The following ZNF704 variants were observed in gnomAD, a reference collection of about 807,000 sequenced individuals.
The protein encoded by ZNF704 is glucocorticoid induced gene 1.
ZNF704 carries 10 observed loss-of-function variants against 44.7 expected under a neutral mutation model. The observed-to-expected ratio is 0.22, with a 90% confidence interval of 0.14 to 0.38. ZNF704 has a LOEUF of 0.38. ZNF704 is among the 10% of genes least tolerant of loss of function. The probability of loss-of-function intolerance (pLI) is 1.00; values close to 1 mark genes in which losing one functional copy is unlikely to be tolerated. For missense variants in ZNF704, 390 were observed against 545.5 expected, an observed-to-expected ratio of 0.71 and a Z score of 2.84; for synonymous variants, 211 against 207.6, an observed-to-expected ratio of 1.02 and a Z score of -0.14.
chr8:80,836,444 CCCT>C (rs1808584026), intron 1 of ZNF704, among the ~76,000 whole-genome samples: 1 of 152,172 alleles, frequency 6.6e-6, no homozygotes, highest in Non-Finnish European at 1.5e-5. Context: ...GTTCCCCTCT[CCCT>C]CCTCATTCCC....
chr8:80,632,641 C>G lies in ZNF704; in HGVS notation c.*8725G>C, dbSNP rs544652642. On this transcript the variant is annotated 3_prime_UTR_variant, in exon 9 of 9. Coordinates refer to ENST00000327835, the MANE Select transcript of ZNF704 (RefSeq NM_001033723.3). The stretch of plus-strand genomic sequence containing the variant: ...CTCTTTAGAAGTTGGTAGTTATTAA[C>G]TATGTGGTGGTGCCTAACATGAAAG... 1 of 152,334 alleles carries G rather than the reference C, an allele frequency of 6.6e-6. No homozygotes were observed. Among genetic ancestry groups the G allele is most frequent in the Non-Finnish European group, 1.5e-5 (1 of 68,032 alleles). The allele number at this position is 152,334 out of a possible 1,614,324, so 9.4% of individuals were successfully genotyped here. A position where few individuals can be genotyped will look rare whatever the true frequency, so the allele number is the denominator to read the frequency against.
At chr8:80,751,665 T>A (rs569795197) in intron 2 of ZNF704, among the ~76,000 whole-genome samples, 5 of 152,338 alleles carry the variant, frequency 3.3e-5, no homozygotes, top group Admixed American at 6.5e-5. Flanking sequence ...TGCTAAAGTG[T>A]GATCTTTCAG....
At chr8:80,841,157 G>T (rs976923412) in intron 1 of ZNF704, among the ~76,000 whole-genome samples, 1 of 152,220 alleles carries the variant, frequency 6.6e-6, no homozygotes, top group African/African-American at 2.4e-5. Context: ...AGGAACCTTT[G>T]CCACTGTGTT....
intron 2 of ZNF704, among the ~76,000 whole-genome samples, chr8:80,713,924 A>G (rs1045873788): frequency 1.3e-5 from 2 of 152,176 alleles, no homozygotes; most frequent in Non-Finnish European, 2.9e-5. Context: ...TGGGTTCTAG[A>G]AGAATACACT....
chr8:80,855,132 A>G (rs1808937391), intron 1 of ZNF704, among the ~76,000 whole-genome samples: 1 of 152,328 alleles, frequency 6.6e-6, no homozygotes, highest in African/African-American at 2.4e-5. Flanking sequence ...GTTCAATAGT[A>G]TATCGTCTGT....
intron 2 of ZNF704, among the ~76,000 whole-genome samples, chr8:80,794,088 T>C (rs1041662499): frequency 6.6e-6 from 1 of 152,032 alleles, no homozygotes; most frequent in African/African-American, 2.4e-5. Context: ...AAATTGACAT[T>C]AGTTGGACAA....
intron 2 of ZNF704, among the ~76,000 whole-genome samples, chr8:80,706,861 A>G (rs933448574): frequency 2.0e-5 from 3 of 152,244 alleles, no homozygotes; most frequent in Admixed American, 1.3e-4. Context: ...GACAGGGCTG[A>G]TACCTCCACT....
intron 2 of ZNF704, among the ~76,000 whole-genome samples, chr8:80,808,687 A>G (rs1486892056): frequency 3.3e-5 from 5 of 152,216 alleles, no homozygotes; most frequent in Non-Finnish European, 7.3e-5. Flanking sequence ...TGGCACTTTC[A>G]ACGTGATCGT....
At position 80,636,672 on chromosome 8, in the gene ZNF704, G is replaced by C. The variant is rs1017340588; in HGVS notation, c.*4694C>G. 6.6e-6 allele frequency: 1 copy of C among 152,222 alleles called. No homozygotes were observed. The highest frequency in any genetic ancestry group is 1.5e-5 in the Non-Finnish European group (1 of 68,032). 9.4% of individuals were successfully genotyped at this position (152,222 alleles called of 1,614,324 possible). A position where few individuals can be genotyped will look rare whatever the true frequency, so the allele number is the denominator to read the frequency against. Reference sequence around the variant, plus strand: ...GAAATGAAATTTCCAGTTGACCCGTGTGCCCAGGGCATTCTCCAAAATGAT... The same window carrying C: ...GAAATGAAATTTCCAGTTGACCCGTCTGCCCAGGGCATTCTCCAAAATGAT... On this transcript the variant is annotated 3_prime_UTR_variant, in exon 9 of 9. Coordinates refer to ENST00000327835, the MANE Select transcript of ZNF704 (RefSeq NM_001033723.3).
At chr8:80,865,188 T>C (rs758915175) in intron 1 of ZNF704, among the ~76,000 whole-genome samples, 3 of 152,054 alleles carry the variant, frequency 2.0e-5, no homozygotes, top group Non-Finnish European at 4.4e-5. Context: ...CCTTTCTGAA[T>C]CCCAAAACAA....
At chr8:80,795,863 C>A (rs1044481222) in intron 2 of ZNF704, among the ~76,000 whole-genome samples, 5 of 152,148 alleles carry the variant, frequency 3.3e-5, no homozygotes, top group Non-Finnish European at 7.4e-5. Context: ...GGAAATTACA[C>A]ATTGTGCAGG....
intron 2 of ZNF704, among the ~76,000 whole-genome samples, chr8:80,737,731 T>C (rs1040613816): frequency 9.2e-5 from 14 of 152,172 alleles, no homozygotes; most frequent in African/African-American, 2.9e-4. Context: ...TAAGGAAAGG[T>C]TGCAAAAATA....
chr8:80,649,971 G>C (rs1355789776), intron 7 of ZNF704, among the ~76,000 whole-genome samples: 1 of 152,192 alleles, frequency 6.6e-6, no homozygotes, highest in Non-Finnish European at 1.5e-5. Flanking sequence ...AAAACTTCCA[G>C]AGGAACGATC....
At position 80,632,403 on chromosome 8, in the gene ZNF704, C is replaced by G. The variant is rs1332604532; in HGVS notation, c.*8963G>C. On this transcript the variant is annotated 3_prime_UTR_variant, in exon 9 of 9. Transcript: ENST00000327835. Reference sequence around the variant, plus strand: ...ACTCTTTCTTCCTCTGTTGGCCAGGCTGGTCTTGAACTACTGACCTCAAGT... The same window carrying G: ...ACTCTTTCTTCCTCTGTTGGCCAGGGTGGTCTTGAACTACTGACCTCAAGT... The G allele has an allele frequency of 6.6e-6, 1 of 152,188 alleles. No individual in the cohort carries two copies. The highest frequency in any genetic ancestry group is 2.4e-5 in the African/African-American group (1 of 41,438). 9.4% of individuals were successfully genotyped at this position (152,188 alleles called of 1,614,324 possible).
chr8:80,708,509 T>C (rs542862213), intron 2 of ZNF704, among the ~76,000 whole-genome samples: 2 of 152,358 alleles, frequency 1.3e-5, no homozygotes, highest in South Asian at 4.1e-4. Context: ...CTATTTAACA[T>C]TTCTTCTGAA....
At chr8:80,844,513 T>TGAGCCACCGCGCCCGGC in intron 1 of ZNF704, among the ~76,000 whole-genome samples, 1 of 152,134 alleles carries the variant, frequency 6.6e-6, no homozygotes, top group African/African-American at 2.4e-5. Context: ...AGATTAGGTT[T>TGAGCCACCGCGCCCGGC]CAACATATGA....
At chr8:80,665,217 G>T in intron 5 of ZNF704, 135 bp from the exon 6 acceptor site, 2 of 918,956 alleles carry the variant, frequency 2.2e-6, no homozygotes, top group Non-Finnish European at 3.3e-6. Context: ...TCCTTATCCT[G>T]CAGCACTCAG....
At chr8:80,710,861 T>C (rs889912526) in intron 2 of ZNF704, among the ~76,000 whole-genome samples, 5 of 152,232 alleles carry the variant, frequency 3.3e-5, no homozygotes, top group Non-Finnish European at 7.3e-5. Context: ...GTTTTTATTT[T>C]ATATTTGCTT....
intron 1 of ZNF704, among the ~76,000 whole-genome samples, chr8:80,854,028 T>G (rs1808917136): frequency 6.6e-6 from 1 of 152,190 alleles, no homozygotes; most frequent in African/African-American, 2.4e-5. Context: ...GCAAAGTTAT[T>G]TATTAAAGTC....
Sources: allele counts gnomAD v4.1 joint callset (sites outside exome capture counted in the v4.1 genomes callset), GRCh38; gene constraint gnomAD v4.1.1; transcripts MANE v1.5; gene names NCBI Gene and HGNC (gene_info 2026-07-23, HGNC 2026-07-21).